BMP6: variants seen among roughly 807,000 people sequenced by gnomAD.
BMP6 encodes the protein VG-1-R.
A neutral mutation model predicts 54.1 loss-of-function variants in BMP6; 17 were observed. The ratio of observed to expected loss-of-function variants is 0.31; its 90% CI spans 0.22 to 0.47. The LOEUF (loss-of-function observed/expected upper bound fraction) is 0.47. BMP6 is among the 20% of genes least tolerant of loss of function. The pLI, the probability that BMP6 is intolerant of heterozygous loss-of-function variation, is 1.00. For synonymous variants in BMP6, 328 were observed against 291.2 expected (o/e 1.13, Z -1.28); for missense variants, 720 against 690.4 (o/e 1.04, Z -0.48).
intron 2 of BMP6, among the ~76,000 whole-genome samples, chr6:7,849,975 G>A (rs534915985): frequency 6.6e-6 from 1 of 152,152 alleles, no homozygotes; most frequent in African/African-American, 2.4e-5. Context: ...CAATATCCCA[G>A]GTTACTCCTC....
chr6:7,872,991 G>A (rs1394415696), intron 4 of BMP6, among the ~76,000 whole-genome samples: 1 of 151,782 alleles, frequency 6.6e-6, no homozygotes, highest in Non-Finnish European at 1.5e-5. Context: ...TTTATATCTT[G>A]TAGAGACAGG....
chr6:7,790,679 GTGT>G (rs908157718), intron 1 of BMP6, among the ~76,000 whole-genome samples: 1 of 152,136 alleles, frequency 6.6e-6, no homozygotes, highest in African/African-American at 2.4e-5. Context: ...CAGGTTGATG[GTGT>G]TGGCAGAGTT....
At chr6:7,772,107 T>A (rs270388) in intron 1 of BMP6, among the ~76,000 whole-genome samples, 1 of 151,256 alleles carries the variant, frequency 6.6e-6, no homozygotes, top group Admixed American at 6.6e-5. Context: ...CCTTTTAGCT[T>A]TCATGCTTCA....
chr6:7,744,431 G>A (rs1470344303), intron 1 of BMP6, among the ~76,000 whole-genome samples: 2 of 151,986 alleles, frequency 1.3e-5, no homozygotes, highest in African/African-American at 4.8e-5. Flanking sequence ...AGCTGAGATC[G>A]CACCACTGCA....
At chr6:7,844,816 A>G (rs563199620) in intron 1 of BMP6, among the ~76,000 whole-genome samples, 3 of 152,060 alleles carry the variant, frequency 2.0e-5, no homozygotes, top group Admixed American at 6.5e-5. Context: ...GTGAAGTCAT[A>G]CTCTTCCCAT....
chr6:7,772,633 C>A (rs1380070469), intron 1 of BMP6, among the ~76,000 whole-genome samples: 1 of 152,134 alleles, frequency 6.6e-6, no homozygotes, highest in Non-Finnish European at 1.5e-5. Flanking sequence ...AAAATTATAA[C>A]CAAGAGCTGG....
chr6:7,853,739 C>G (rs532087776), intron 2 of BMP6, among the ~76,000 whole-genome samples: 2 of 152,302 alleles, frequency 1.3e-5, no homozygotes, highest in South Asian at 4.1e-4. Context: ...ATCTCTGGCT[C>G]CCTCTGTGTG....
chr6:7,773,129 G>A (rs556312162), intron 1 of BMP6, among the ~76,000 whole-genome samples: 2 of 152,170 alleles, frequency 1.3e-5, no homozygotes, highest in Non-Finnish European at 2.9e-5. Context: ...GCTCTGTTAC[G>A]AAATTTTGCC....
intron 1 of BMP6, among the ~76,000 whole-genome samples, chr6:7,821,805 T>A (rs1758615313): frequency 6.6e-6 from 1 of 152,214 alleles, no homozygotes; most frequent in Non-Finnish European, 1.5e-5. Flanking sequence ...TATTCATTCT[T>A]AAGCAAGACA....
intron 1 of BMP6, among the ~76,000 whole-genome samples, chr6:7,729,237 G>C (rs1418183457): frequency 6.6e-6 from 1 of 152,186 alleles, no homozygotes; most frequent in Admixed American, 6.5e-5. Flanking sequence ...GACCAGCGCT[G>C]TTCCTTATTC....
chr6:7,843,891 A>G (rs1759017396), intron 1 of BMP6, among the ~76,000 whole-genome samples: 1 of 152,194 alleles, frequency 6.6e-6, no homozygotes, highest in Admixed American at 6.5e-5. Flanking sequence ...TATTTTTTCT[A>G]GCTTCATTGT....
At chr6:7,870,105 C>A (rs1268918577) in intron 4 of BMP6, among the ~76,000 whole-genome samples, 1 of 152,184 alleles carries the variant, frequency 6.6e-6, no homozygotes, top group Non-Finnish European at 1.5e-5. Flanking sequence ...CCATATGGCT[C>A]CTTTCAAGTT....
At chr6:7,747,173 A>T (rs1406816158) in intron 1 of BMP6, among the ~76,000 whole-genome samples, 2 of 152,222 alleles carry the variant, frequency 1.3e-5, no homozygotes, top group African/African-American at 4.8e-5. Context: ...TAGATGTTCG[A>T]TGTCAGTGTT....
At chr6:7,794,604 G>GA (rs58889692) in intron 1 of BMP6, among the ~76,000 whole-genome samples, 24,229 of 119,074 alleles carry the variant, frequency 0.2, 2,546 homozygotes, top group African/African-American at 0.31. Flanking sequence ...TGTCCCAAAA[G>GA]AAAAAAAAAA....
intron 2 of BMP6, among the ~76,000 whole-genome samples, chr6:7,857,264 T>C (rs1278053048): frequency 2.0e-5 from 3 of 152,222 alleles, no homozygotes; most frequent in African/African-American, 7.2e-5. Flanking sequence ...CAGAAATATC[T>C]TACTAGCATA....
chr6:7,813,108 A>AAAAAAAAAAAAAAT (rs1554122651), intron 1 of BMP6, among the ~76,000 whole-genome samples: 5 of 21,496 alleles, frequency 2.3e-4, no homozygotes, highest in Non-Finnish European at 3.8e-4. Flanking sequence ...AAAAAAAAAA[A>AAAAAAAAAAAAAAT]ATATATATAT....
At chr6:7,815,423 G>C (rs972167939) in intron 1 of BMP6, among the ~76,000 whole-genome samples, 4 of 152,180 alleles carry the variant, frequency 2.6e-5, no homozygotes, top group Non-Finnish European at 5.9e-5. Flanking sequence ...CAGTAAATTA[G>C]GATAATAATT....
intron 2 of BMP6, among the ~76,000 whole-genome samples, chr6:7,854,409 T>C (rs1581278493): frequency 6.6e-6 from 1 of 152,244 alleles, no homozygotes; most frequent in East Asian, 1.9e-4. Context: ...AATAGCACTT[T>C]TACTGTTTCA....
intron 1 of BMP6, among the ~76,000 whole-genome samples, chr6:7,802,677 C>T (rs1013835661): frequency 3.3e-5 from 5 of 152,184 alleles, no homozygotes; most frequent in Non-Finnish European, 7.3e-5. Context: ...TATGCACCTT[C>T]TGAGCAGGTC....
Sources: allele counts gnomAD v4.1 joint callset (sites outside exome capture counted in the v4.1 genomes callset), GRCh38; gene constraint gnomAD v4.1.1; transcripts MANE v1.5; gene names NCBI Gene and HGNC (gene_info 2026-07-23, HGNC 2026-07-21).